ADAM12: variants seen among roughly 807,000 people sequenced by gnomAD.
The protein encoded by ADAM12 is disintegrin and metalloproteinase domain-containing protein 12.
ADAM12 carries 70 observed loss-of-function variants against 106.4 expected under a neutral mutation model. That is an observed-to-expected ratio of 0.66 (90% confidence interval 0.54 to 0.80). The LOEUF (loss-of-function observed/expected upper bound fraction) is 0.80, where lower values mean the gene tolerates loss of function less well. ADAM12 is among the 30% of genes least tolerant of loss of function. ADAM12 has a pLI of 0.00. For missense variants in ADAM12, 1,010 were observed against 1,171.9 expected, an observed-to-expected ratio of 0.86 and a Z score of 2.02; for synonymous variants, 420 against 433.5, an observed-to-expected ratio of 0.97 and a Z score of 0.39.
chr10:126,356,015 T>G (rs766399546), intron 1 of ADAM12, among the ~76,000 whole-genome samples: 4 of 152,186 alleles, frequency 2.6e-5, no homozygotes, highest in Admixed American at 1.3e-4. Context: ...CGACTACACA[T>G]TTTGGTAAAG....
intron 3 of ADAM12, among the ~76,000 whole-genome samples, chr10:126,155,783 C>T (rs191381575): frequency 2.4e-4 from 36 of 152,246 alleles, no homozygotes; most frequent in African/African-American, 7.0e-4. Flanking sequence ...GCTGGCTCCC[C>T]CGCAGGTGAG....
At chr10:126,344,532 T>C (rs879941780) in intron 1 of ADAM12, among the ~76,000 whole-genome samples, 5 of 152,216 alleles carry the variant, frequency 3.3e-5, no homozygotes, top group African/African-American at 9.6e-5. Flanking sequence ...ATATGAACTT[T>C]AAAGTAGTTT....
intron 1 of ADAM12, among the ~76,000 whole-genome samples, chr10:126,362,453 T>C (rs949045497): frequency 3.9e-5 from 6 of 152,178 alleles, no homozygotes; most frequent in East Asian, 1.9e-4. Flanking sequence ...TCTCGGTATT[T>C]ACCCAAAAGA....
chr10:126,225,447 G>A (rs10901563), intron 3 of ADAM12, among the ~76,000 whole-genome samples: 2,830 of 152,284 alleles, frequency 0.019, 107 homozygotes, highest in East Asian at 0.1. Context: ...GGGATCGCAC[G>A]GCAATTAGTG....
At position 126,388,433 on chromosome 10, in the gene ADAM12, G is replaced by T; in HGVS notation, c.-288C>A. Reference sequence around the variant, plus strand: ...ATGAGCAAACTGTCCGAGTTGGCCCGGGGACTAGGAAGAGCGTTAGTGAGA... The same window carrying T: ...ATGAGCAAACTGTCCGAGTTGGCCCTGGGACTAGGAAGAGCGTTAGTGAGA... On this transcript the variant is annotated 5_prime_UTR_variant, in exon 1 of 23. Coordinates refer to ENST00000448723, the MANE Select transcript of ADAM12 (RefSeq NM_001288973.2). This position sits in a 1 kb window ranked among gnomAD's most constrained non-coding sequence, Gnocchi z 4.4. 1 of 264,042 alleles carries T rather than the reference G, an allele frequency of 3.8e-6. No homozygotes were observed. 16.4% of individuals were successfully genotyped at this position (264,042 alleles called of 1,614,324 possible).
In ADAM12 at chr10:126,092,556, CAT is replaced by C. The variant is rs1485325647; in HGVS notation, c.1145+1427_1145+1428del. Among the ~76,000 whole-genome samples the C allele has an allele frequency of 3.3e-5, 5 of 152,200 alleles. No homozygotes were observed. The East Asian group carries it at 7.7e-4, about 23-fold the overall frequency. Reference sequence around the variant, plus strand: ...GTGGCCTCCCTTTTGGAGAGACACACATGTTAGTATCTTGAGTTTTGCAATAT... The same window carrying C: ...GTGGCCTCCCTTTTGGAGAGACACACGTTAGTATCTTGAGTTTTGCAATAT... On this transcript the variant is annotated intron_variant, in intron 11 of 22. Coordinates refer to ENST00000448723, the MANE Select transcript of ADAM12 (RefSeq NM_001288973.2).
At chr10:126,383,727 T>C (rs1343912002) in intron 1 of ADAM12, among the ~76,000 whole-genome samples, 2 of 152,142 alleles carry the variant, frequency 1.3e-5, no homozygotes, top group Non-Finnish European at 2.9e-5. Flanking sequence ...TATGATTTCT[T>C]TCTTGGAATT....
At chr10:126,290,456 C>A (rs1466108065) in intron 2 of ADAM12, among the ~76,000 whole-genome samples, 1 of 152,164 alleles carries the variant, frequency 6.6e-6, no homozygotes, top group African/African-American at 2.4e-5. Flanking sequence ...CACTAGACAA[C>A]TGACTTAATT....
intron 2 of ADAM12, among the ~76,000 whole-genome samples, chr10:126,280,926 T>C (rs373218262): frequency 6.6e-6 from 1 of 152,208 alleles, no homozygotes; most frequent in East Asian, 1.9e-4. Context: ...TACTCGACTT[T>C]GAAAATTAAT....
intron 1 of ADAM12, among the ~76,000 whole-genome samples, chr10:126,347,300 T>C (rs906065945): frequency 3.9e-5 from 6 of 152,224 alleles, no homozygotes; most frequent in African/African-American, 1.4e-4. Context: ...TGGCTGGATA[T>C]GAAATTCTGG....
Position 126,221,388 on chromosome 10 carries a change from TCAA to T in ADAM12, c.260+57524_260+57526del, listed in dbSNP as rs1180992679. 2.2e-4 allele frequency among the ~76,000 whole-genome samples: 8 copies of T among 36,412 alleles called. No individual in the cohort carries two copies. The Admixed American group carries it at 2.6e-3, about 12-fold the overall frequency. The allele number at this position is 36,412 out of a possible 152,430, so 23.9% of individuals were successfully genotyped here. Reference sequence around the variant, plus strand: ...CTGGGCAACAGAGCAAGACTCTGTCTCAAAAAAAAAAAAAAAAAAGAAAGAAAG... The same window carrying T: ...CTGGGCAACAGAGCAAGACTCTGTCTAAAAAAAAAAAAAAAAGAAAGAAAG... On this transcript the variant is annotated intron_variant, in intron 3 of 22. Coordinates refer to ENST00000448723, the MANE Select transcript of ADAM12 (RefSeq NM_001288973.2).
At chr10:126,121,402 ATTGCATAT>A (rs1956108429) in intron 5 of ADAM12, among the ~76,000 whole-genome samples, 2 of 126,740 alleles carry the variant, frequency 1.6e-5, no homozygotes, top group Admixed American at 1.8e-4. Context: ...TATATAATAT[ATTGCATAT>A]TATATAATAT....
chr10:126,239,359 T>C (rs1360634187), intron 3 of ADAM12, among the ~76,000 whole-genome samples: 4 of 152,244 alleles, frequency 2.6e-5, no homozygotes, highest in Admixed American at 6.5e-5. Flanking sequence ...CATGTGTGGA[T>C]AAAGCCTTTC....
intron 1 of ADAM12, among the ~76,000 whole-genome samples, chr10:126,367,093 C>T (rs1163558075): frequency 6.6e-6 from 1 of 151,992 alleles, no homozygotes; most frequent in African/African-American, 2.4e-5. Context: ...CGGGACATTA[C>T]CCTATCCAAC....
chr10:126,341,808 C>G (rs1005051501), intron 1 of ADAM12, among the ~76,000 whole-genome samples: 1 of 152,190 alleles, frequency 6.6e-6, no homozygotes, highest in African/African-American at 2.4e-5. Context: ...GCAGTGGGCA[C>G]AGGGTGATGA....
intron 13 of ADAM12, among the ~76,000 whole-genome samples, chr10:126,065,733 G>A (rs535016818): frequency 9.9e-5 from 15 of 152,252 alleles, no homozygotes; most frequent in African/African-American, 2.6e-4. Flanking sequence ...TCTGGAAGTC[G>A]AAAGCAATTG....
intron 18 of ADAM12, among the ~76,000 whole-genome samples, chr10:126,040,558 C>T (rs986260673): frequency 1.3e-5 from 2 of 152,124 alleles, no homozygotes; most frequent in African/African-American, 4.8e-5. Context: ...AGCAAGACAG[C>T]CAACAGATGA....
chr10:126,330,563 C>T (rs1431344360), intron 1 of ADAM12, 54 bp from the exon 2 acceptor site: 5 of 1,483,332 alleles, frequency 3.4e-6, no homozygotes, highest in Non-Finnish European at 4.6e-6. Flanking sequence ...AAGAGTTTGG[C>T]ATCAGAAGCT....
intron 4 of ADAM12, among the ~76,000 whole-genome samples, chr10:126,141,482 C>T (rs1956511081): frequency 6.6e-6 from 1 of 152,182 alleles, no homozygotes; most frequent in South Asian, 2.1e-4. Context: ...TCAAAAACCT[C>T]TAACCATGTA....
Sources: allele counts gnomAD v4.1 joint callset (sites outside exome capture counted in the v4.1 genomes callset), GRCh38; gene constraint gnomAD v4.1.1; non-coding constraint Gnocchi (gnomAD v3.1); transcripts MANE v1.5; gene names NCBI Gene and HGNC (gene_info 2026-07-23, HGNC 2026-07-21).